Variants in CLVS1 observed in about 807,000 individuals in gnomAD.
CLVS1 encodes clavesin-1.
Under a neutral mutation model 33.1 loss-of-function variants are expected in CLVS1, and 10 were observed. The ratio of observed to expected loss-of-function variants is 0.30; its 90% confidence interval spans 0.19 to 0.51. The LOEUF is 0.51. CLVS1 is among the 20% of genes least tolerant of loss of function. The pLI, the probability that CLVS1 is intolerant of heterozygous loss-of-function variation, is 0.97. For synonymous variants in CLVS1, 163 were observed against 166.1 expected (o/e 0.98, Z 0.14); for missense variants, 343 against 433.4 (o/e 0.79, Z 1.85).
the CLVS1 span, among the ~76,000 whole-genome samples, chr8:61,041,124 T>C: frequency 6.6e-6 from 1 of 152,190 alleles, no homozygotes; most frequent in Non-Finnish European, 1.5e-5. Context: ...GTCAACTTTG[T>C]TAAAGATCAT....
intron 2 of CLVS1, among the ~76,000 whole-genome samples, chr8:61,320,295 A>G (rs900464599): frequency 1.3e-5 from 2 of 151,078 alleles, no homozygotes; most frequent in Non-Finnish European, 3.0e-5. Context: ...TTTGCTATTT[A>G]TGTGCTTTTT....
At chr8:61,080,947 C>A (rs1380922824) in intron 1 of CLVS1, among the ~76,000 whole-genome samples, 1 of 152,144 alleles carries the variant, frequency 6.6e-6, no homozygotes, top group Non-Finnish European at 1.5e-5. Context: ...ACTGAGAAAG[C>A]ATTTTGGGTG....
chr8:61,420,832 G>A (rs1189616315), intron 3 of CLVS1, among the ~76,000 whole-genome samples: 1 of 150,552 alleles, frequency 6.6e-6, no homozygotes, highest in Non-Finnish European at 1.5e-5. Flanking sequence ...AGCTGGGCAT[G>A]GTGGCGGGCA....
At chr8:61,464,682 C>T (rs1586012020) in intron 5 of CLVS1, 1 of 152,224 alleles carries the variant, frequency 6.6e-6, no homozygotes, top group East Asian at 1.9e-4. Flanking sequence ...AAATTCAAGA[C>T]TAGCTAGCAG....
chr8:61,276,226 A>G (rs1175022400), intron 2 of CLVS1, among the ~76,000 whole-genome samples: 3 of 152,220 alleles, frequency 2.0e-5, no homozygotes, highest in African/African-American at 7.2e-5. Context: ...TTCTTGGTCC[A>G]ACCAGTTGCC....
intron 1 of CLVS1, among the ~76,000 whole-genome samples, chr8:61,091,929 A>G (rs1393377854): frequency 6.6e-6 from 1 of 152,214 alleles, no homozygotes; most frequent in Non-Finnish European, 1.5e-5. Flanking sequence ...GTTTGGGCAG[A>G]CCTGGCAAGA....
intron 2 of CLVS1, among the ~76,000 whole-genome samples, chr8:61,261,186 T>C (rs890167309): frequency 6.6e-6 from 1 of 152,218 alleles, no homozygotes; most frequent in Non-Finnish European, 1.5e-5. Context: ...TAGGGAGCCC[T>C]GGTCCAGAGG....
Position 61,458,346 on chromosome 8 carries a change from C to G in CLVS1, c.781C>G (p.Leu261Val). The G allele has an allele frequency of 6.2e-7, 1 of 1,614,108 alleles. No individual in the cohort carries two copies. Among genetic ancestry groups the G allele is most frequent in the East Asian group, 2.2e-5 (1 of 44,886 alleles). ...HGNNLNSLHQLIHPEFLPSEF... is the reference protein window; with the variant it reads ...HGNNLNSLHQVIHPEFLPSEF... ...AAACAATTTAAACAGCCTTCACCAG[C>G]TAATACACCCTGAATTTTTGCCCTC... Residue 261 changes from leucine to valine, a missense_variant, in exon 5 of 6, where the codon CTA (leucine) becomes GTA (valine). By Grantham distance (32) the Leu-to-Val change is conservative. Coordinates refer to ENST00000325897, the MANE Select transcript of CLVS1 (RefSeq NM_173519.3).
chr8:61,432,184 A>G (rs1378119155), intron 3 of CLVS1, among the ~76,000 whole-genome samples: 3 of 152,166 alleles, frequency 2.0e-5, no homozygotes, highest in Non-Finnish European at 4.4e-5. Context: ...GAAGTGTGAG[A>G]TCTCTTTCAA....
intron 2 of CLVS1, among the ~76,000 whole-genome samples, chr8:61,246,308 T>C (rs1476631479): frequency 6.6e-6 from 1 of 150,846 alleles, no homozygotes; most frequent in Non-Finnish European, 1.5e-5. Flanking sequence ...TAGCTGGGAT[T>C]ATAGGCGTCC....
intron 2 of CLVS1, among the ~76,000 whole-genome samples, chr8:61,331,407 G>T (rs1439986924): frequency 6.6e-6 from 1 of 151,464 alleles, no homozygotes; most frequent in East Asian, 1.9e-4. Flanking sequence ...TTCATCCAAA[G>T]GACTTTCTTA....
At chr8:61,398,875 A>G (rs1814639601) in intron 3 of CLVS1, among the ~76,000 whole-genome samples, 1 of 152,230 alleles carries the variant, frequency 6.6e-6, no homozygotes, top group Non-Finnish European at 1.5e-5. Flanking sequence ...TGCAAAGGAC[A>G]TGATCTTATT....
At chr8:61,208,302 A>C (rs1292698006) in intron 2 of CLVS1, among the ~76,000 whole-genome samples, 3 of 152,216 alleles carry the variant, frequency 2.0e-5, no homozygotes, top group Non-Finnish European at 4.4e-5. Flanking sequence ...TAAAGACCCT[A>C]TCTTTCATAG....
In CLVS1 at chr8:61,287,972, C is replaced by CCGA. The variant is rs1472700917; in HGVS notation, c.-318_-317insCGA. ...AGGACAGAGAATCGGGCGCACACGC[C>CCGA]TCCTACCAAAATCACAGCCCCTTGT... is the stretch of plus-strand genomic sequence containing the variant. On this transcript the variant is annotated 5_prime_UTR_variant, in exon 1 of 6. Transcript: ENST00000325897. 2.6e-6 allele frequency: 1 copy of CCGA among 391,886 alleles called. No individual in the cohort carries two copies. Among genetic ancestry groups the CCGA allele is most frequent in the Non-Finnish European group, 5.1e-6 (1 of 195,872 alleles). 24.3% of individuals were successfully genotyped at this position (391,886 alleles called of 1,614,324 possible). A position where few individuals can be genotyped will look rare whatever the true frequency, so the allele number is the denominator to read the frequency against.
chr8:61,362,527 A>G (rs1438501258), intron 2 of CLVS1, among the ~76,000 whole-genome samples: 1 of 152,188 alleles, frequency 6.6e-6, no homozygotes, highest in Non-Finnish European at 1.5e-5. Flanking sequence ...TTTGGATGGT[A>G]TATTATTCTG....
intron 5 of CLVS1, among the ~76,000 whole-genome samples, chr8:61,467,109 C>T (rs1370841770): frequency 6.6e-6 from 1 of 152,138 alleles, no homozygotes; most frequent in Non-Finnish European, 1.5e-5. Context: ...TAAAAGATTA[C>T]TGGTGATAAA....
intron 2 of CLVS1, among the ~76,000 whole-genome samples, chr8:61,221,988 C>G (rs1384531463): frequency 6.6e-6 from 1 of 151,962 alleles, no homozygotes. Context: ...GTTTATAGTA[C>G]TCTCTGATGG....
chr8:61,366,932 G>A (rs1003927274), intron 2 of CLVS1, among the ~76,000 whole-genome samples: 2 of 152,122 alleles, frequency 1.3e-5, no homozygotes, highest in African/African-American at 4.8e-5. Context: ...GTGATACTGT[G>A]CTGGGTGCTG....
Position 61,222,049 on chromosome 8 carries a change from G to T in CLVS1, c.-151-77628G>T, listed in dbSNP as rs547889520. Among the ~76,000 whole-genome samples the T allele has an allele frequency of 1.3e-4, 20 of 152,144 alleles. No individual in the cohort carries two copies. The South Asian group carries it at 2.9e-3, about 22-fold the overall frequency. On this transcript the variant is annotated intron_variant, in intron 2 of 2. Transcript: ENST00000522621. ...GATATCTGCTTTATCATTTTTTATT[G>T]TGTCTATTTGATTTTTCTCTCTTTT...
Sources: allele counts gnomAD v4.1 joint callset (sites outside exome capture counted in the v4.1 genomes callset), GRCh38; gene constraint gnomAD v4.1.1; transcripts MANE v1.5; gene names NCBI Gene and HGNC (gene_info 2026-07-23, HGNC 2026-07-21).